Variants in N4BP1 observed in about 807,000 individuals in gnomAD.
N4BP1 encodes the protein NEDD4 binding protein 1, also known as NEDD4-binding protein 1.
N4BP1 carries 21 observed loss-of-function variants against 70.9 expected under a neutral mutation model. The observed-to-expected ratio is 0.30, with a 90% CI of 0.21 to 0.43. The LOEUF is 0.43. Ranked by LOEUF, N4BP1 falls within the 20% of genes least tolerant of loss-of-function variation. The pLI, the probability that N4BP1 is intolerant of heterozygous loss-of-function variation, is 1.00. For missense variants in N4BP1, 936 were observed against 1,069.4 expected (o/e 0.88, Z 1.74); for synonymous variants, 387 against 394.6 (o/e 0.98, Z 0.23).
intron 1 of N4BP1, among the ~76,000 whole-genome samples, chr16:48,591,261 GGTTT>G (rs1305707681): frequency 2.6e-5 from 4 of 152,136 alleles, no homozygotes; most frequent in African/African-American, 7.2e-5. Context: ...ATTCCTTTCT[GGTTT>G]GTTACTTAAC....
Position 48,609,822 on chromosome 16 carries a change from T to A in N4BP1, c.151A>T (p.Ile51Phe), listed in dbSNP as rs1272657664. The A allele has an allele frequency of 6.7e-7, 1 of 1,486,402 alleles. No individual in the cohort carries two copies. Among genetic ancestry groups the A allele is most frequent in the Non-Finnish European group, 8.9e-7 (1 of 1,123,196 alleles). 92.1% of individuals were successfully genotyped at this position (1,486,402 alleles called of 1,614,324 possible). Reference sequence around the variant, plus strand: ...TGCGCCCCGCAGAGCTGCAGCCAGATGCGCGCGGGCAGCGGCTCCTCAGCC... The same window carrying A: ...TGCGCCCCGCAGAGCTGCAGCCAGAAGCGCGCGGGCAGCGGCTCCTCAGCC... The part of the protein sequence containing the change: ...LGAEEPLPAR[I>F]WLQLCGAQEA... The change falls in exon 1 of 7, where the codon ATC becomes TTC. Residue 51 changes from isoleucine (I) to phenylalanine (F), a missense_variant. Ile to Phe is a conservative substitution (Grantham distance 21). This residue lies in a region of N4BP1 where 187 missense variants were observed against 217.1 expected (regional missense o/e 0.86). Coordinates refer to ENST00000262384, the MANE Select transcript of N4BP1 (RefSeq NM_153029.4).
At chr16:48,545,123 C>G (rs1389562150) in intron 6 of N4BP1, among the ~76,000 whole-genome samples, 1 of 152,018 alleles carries the variant, frequency 6.6e-6, no homozygotes, top group African/African-American at 2.4e-5. Context: ...CACCACCACA[C>G]CCAGCTAATT....
intron 1 of N4BP1, chr16:48,600,381 CAT>C: frequency 2.7e-6 from 2 of 733,818 alleles, no homozygotes; most frequent in East Asian, 2.6e-5. Flanking sequence ...ATATGAAAAA[CAT>C]AGAAATGAAA....
intron 1 of N4BP1, among the ~76,000 whole-genome samples, chr16:48,601,652 C>T (rs971651534): frequency 6.6e-6 from 1 of 152,094 alleles, no homozygotes; most frequent in Non-Finnish European, 1.5e-5. Flanking sequence ...TCTATCAGCA[C>T]TAAGACTGAA....
intron 1 of N4BP1, among the ~76,000 whole-genome samples, chr16:48,609,020 G>A (rs1964630995): frequency 6.7e-6 from 1 of 148,610 alleles, no homozygotes; most frequent in South Asian, 2.2e-4. Context: ...TTCGAGACCT[G>A]CCCGGGCAAC....
chr16:48,598,709 T>C (rs1597113649), intron 1 of N4BP1, among the ~76,000 whole-genome samples: 1 of 152,056 alleles, frequency 6.6e-6, no homozygotes, highest in African/African-American at 2.4e-5. Context: ...AAGGCAAAAT[T>C]GATAAAGCAC....
At chr16:48,600,394 C>A (rs755273687) in intron 1 of N4BP1, 7 of 703,768 alleles carry the variant, frequency 9.9e-6, no homozygotes, top group Admixed American at 1.8e-5. Context: ...AGAAATGAAA[C>A]CATCAAATAC....
At chr16:48,593,315 T>C (rs1238128443) in intron 1 of N4BP1, among the ~76,000 whole-genome samples, 1 of 152,142 alleles carries the variant, frequency 6.6e-6, no homozygotes. Context: ...TAACATGTAT[T>C]TGAGACTACT....
intron 1 of N4BP1, among the ~76,000 whole-genome samples, chr16:48,563,327 C>T (rs1184200931): frequency 6.6e-6 from 1 of 151,606 alleles, no homozygotes; most frequent in Non-Finnish European, 1.5e-5. Context: ...TGCATTCCAG[C>T]CTGGGCCAAA....
intron 1 of N4BP1, among the ~76,000 whole-genome samples, chr16:48,605,289 C>G (rs531851623): frequency 6.6e-6 from 1 of 152,128 alleles, no homozygotes; most frequent in Non-Finnish European, 1.5e-5. Flanking sequence ...CTCGGCATCC[C>G]AAAGTGTTGG....
intron 1 of N4BP1, among the ~76,000 whole-genome samples, chr16:48,609,274 T>G (rs1212174321): frequency 6.6e-6 from 1 of 152,172 alleles, no homozygotes; most frequent in Admixed American, 6.5e-5. Context: ...CCGAGCGTTT[T>G]ATTACTATTA....
At position 48,538,828 on chromosome 16, in the gene N4BP1, C is replaced by CTAGACGAGGAG; in HGVS notation, c.*4075_*4076insCTCCTCGTCTA. On this transcript the variant is annotated 3_prime_UTR_variant, in exon 7 of 7. Transcript: ENST00000262384. ...ACAGGCGGTCCCTGCCCACGAGGAGCTCACAGTCTAGAAAGGGCAGCAAGA... is the reference window on the plus strand; with the variant it reads ...ACAGGCGGTCCCTGCCCACGAGGAGCTAGACGAGGAGTCACAGTCTAGAAAGGGCAGCAAGA... The CTAGACGAGGAG allele has an allele frequency of 2.6e-5, 4 of 153,020 alleles. No homozygotes were observed. 9.5% of individuals were successfully genotyped at this position (153,020 alleles called of 1,614,324 possible).
At chr16:48,602,044 G>A (rs961036446) in intron 1 of N4BP1, among the ~76,000 whole-genome samples, 1 of 152,174 alleles carries the variant, frequency 6.6e-6, no homozygotes, top group African/African-American at 2.4e-5. Context: ...CCAACATGGT[G>A]AAACCCTGTC....
chr16:48,593,819 G>A (rs912663648), intron 1 of N4BP1, among the ~76,000 whole-genome samples: 1 of 152,166 alleles, frequency 6.6e-6, no homozygotes, highest in East Asian at 1.9e-4. Context: ...AGACTAGCCT[G>A]ACCAATATGG....
chr16:48,549,470 G>A (rs796153600), intron 4 of N4BP1, among the ~76,000 whole-genome samples: 25 of 151,618 alleles, frequency 1.6e-4, no homozygotes, highest in African/African-American at 5.6e-4. Flanking sequence ...ATACTTGTAC[G>A]TGTGTTCCAA....
At chr16:48,602,496 C>A (rs529874156) in intron 1 of N4BP1, among the ~76,000 whole-genome samples, 2 of 152,092 alleles carry the variant, frequency 1.3e-5, no homozygotes, top group African/African-American at 4.8e-5. Flanking sequence ...CCAGCATAAG[C>A]AATACCAGTA....
Position 48,594,001 on chromosome 16 carries a change from C to CAAAAAAAAAAAAAAA in N4BP1, c.198+15759_198+15773dup, listed in dbSNP as rs750355255. 3.8e-4 allele frequency among the ~76,000 whole-genome samples: 16 copies of CAAAAAAAAAAAAAAA among 42,526 alleles called. 3 individuals carry two copies. Among genetic ancestry groups the CAAAAAAAAAAAAAAA allele is most frequent in the African/African-American group, 1.4e-3 (16 of 11,340 alleles). The allele number at this position is 42,526 out of a possible 152,430, so 27.9% of individuals were successfully genotyped here. On this transcript the variant is annotated intron_variant, in intron 1 of 6. Transcript: ENST00000262384. Reference sequence around the variant, plus strand: ...TGGGTGCCAGAGCAAGACTCCGTCTCAAAAAAAAAAAAAAAAACAAAAAAA... The same window carrying CAAAAAAAAAAAAAAA: ...TGGGTGCCAGAGCAAGACTCCGTCTCAAAAAAAAAAAAAAAAAAAAAAAAAAAAAAAACAAAAAAA...
At chr16:48,556,340 A>T (rs1258960776) in intron 2 of N4BP1, among the ~76,000 whole-genome samples, 2 of 152,194 alleles carry the variant, frequency 1.3e-5, no homozygotes, top group African/African-American at 4.8e-5. Flanking sequence ...TCCTACTTCA[A>T]GTCCTATACC....
At chr16:48,605,007 T>C (rs1391155097) in intron 1 of N4BP1, among the ~76,000 whole-genome samples, 7 of 152,010 alleles carry the variant, frequency 4.6e-5, no homozygotes, top group East Asian at 1.9e-4. Flanking sequence ...TCTGAGTTTG[T>C]GGTTCTTTGA....
Sources: gnomAD v4.1 joint callset for allele counts (sites outside exome capture counted in the v4.1 genomes callset) on GRCh38, gnomAD v4.1.1 for gene constraint, gnomAD v4.1.1 regional missense constraint, MANE v1.5 for transcripts, NCBI Gene and HGNC (gene_info 2026-07-23, HGNC 2026-07-21) for gene names.